Variants in SACS observed in about 807,000 individuals in gnomAD.
SACS encodes the protein sacsin.
Under a neutral mutation model 348.0 loss-of-function variants are expected in SACS, and 197 were observed. The observed-to-expected ratio is 0.57, with a 90% CI of 0.50 to 0.64. The LOEUF is 0.64. SACS is among the 30% of genes least tolerant of loss of function. The probability of loss-of-function intolerance (pLI) is 0.00; values close to 1 mark genes in which losing one functional copy is unlikely to be tolerated. For synonymous variants in SACS, 1,985 were observed against 1,910.6 expected, an observed-to-expected ratio of 1.04 and a Z score of -1.02; for missense variants, 4,999 against 5,360.8, an observed-to-expected ratio of 0.93 and a Z score of 2.11.
At chr13:23,378,055 A>G (rs908699790) in intron 2 of SACS, among the ~76,000 whole-genome samples, 4 of 152,214 alleles carry the variant, frequency 2.6e-5, no homozygotes, top group African/African-American at 4.8e-5. Flanking sequence ...AAATGAGGTC[A>G]TGTTTCTGAG....
intron 9 of SACS, among the ~76,000 whole-genome samples, chr13:23,345,576 T>C (rs1008925168): frequency 4.6e-5 from 7 of 152,246 alleles, no homozygotes; most frequent in African/African-American, 1.7e-4. Flanking sequence ...TGCACTCTAC[T>C]TATATCAAGA....
intron 5 of SACS, among the ~76,000 whole-genome samples, chr13:23,365,910 A>C (rs1003571695): frequency 2.0e-5 from 3 of 152,176 alleles, no homozygotes; most frequent in Non-Finnish European, 2.9e-5. Context: ...TGGAAGGGTG[A>C]CCAGCTCCCC....
At chr13:23,373,412 G>C (rs916238044) in intron 3 of SACS, 1 of 152,720 alleles carries the variant, frequency 6.5e-6, no homozygotes, top group Admixed American at 6.5e-5. Flanking sequence ...AGCGGTTGTA[G>C]ACTTCACTAG....
intron 4 of SACS, among the ~76,000 whole-genome samples, chr13:23,369,478 T>G (rs2137806794): frequency 6.6e-6 from 1 of 152,352 alleles, no homozygotes; most frequent in African/African-American, 2.4e-5. Context: ...TTGCGTCATT[T>G]TGGTACAACC....
chr13:23,431,944 C>A (rs1874448888), intron 1 of SACS, among the ~76,000 whole-genome samples: 1 of 152,228 alleles, frequency 6.6e-6, no homozygotes, highest in South Asian at 2.1e-4. Flanking sequence ...GAGAAAACGA[C>A]AAAACTCTTA....
intron 6 of SACS, among the ~76,000 whole-genome samples, chr13:23,359,739 A>G (rs561750474): frequency 3.3e-5 from 5 of 152,290 alleles, no homozygotes; most frequent in Admixed American, 1.3e-4. Flanking sequence ...TATACACAAT[A>G]AAGTATGATG....
At chr13:23,349,616 C>T (rs1290222602) in intron 9 of SACS, among the ~76,000 whole-genome samples, 1 of 152,204 alleles carries the variant, frequency 6.6e-6, no homozygotes, top group South Asian at 2.1e-4. Context: ...AACTTGGATA[C>T]AACTCAACTG....
intron 9 of SACS, among the ~76,000 whole-genome samples, chr13:23,343,462 G>A (rs981882666): frequency 1.3e-5 from 2 of 152,160 alleles, no homozygotes; most frequent in African/African-American, 2.4e-5. Context: ...CAAAGCGGGT[G>A]GAACACGAGG....
chr13:23,422,451 C>T (rs1408553187), intron 1 of SACS, among the ~76,000 whole-genome samples: 1 of 152,162 alleles, frequency 6.6e-6, no homozygotes, highest in Non-Finnish European at 1.5e-5. Flanking sequence ...TAACTAAAAA[C>T]AATCTGTGCA....
chr13:23,335,459 A>G lies in SACS; in HGVS notation c.8417T>C (p.Met2806Thr), dbSNP rs201813671. The G allele has an allele frequency of 1.4e-5, 22 of 1,613,792 alleles. No homozygotes were observed. The Admixed American group carries it at 2.2e-4, about 16-fold the overall frequency. ...ATTTCCTTCAGAGTCCTCAGTATCC[A>G]TAGTATAGGTTATTTGTTGAACTGG... is the stretch of plus-strand genomic sequence containing the variant. The part of the protein sequence containing the change: ...DIPVQQITYT[M>T]DTEDSEGNLT... Residue 2806 changes from methionine to threonine, a missense_variant, in exon 10 of 10, where the codon ATG (methionine) becomes ACG (threonine). By Grantham distance (81) the Met-to-Thr change is moderately conservative. Around this residue, in one of 6 missense-constraint regions of SACS, gnomAD observed 3,156 missense variants for 3,380.1 expected, o/e 0.93. Coordinates refer to ENST00000382292, the MANE Select transcript of SACS (RefSeq NM_014363.6). This position sits in a 1 kb window ranked among gnomAD's most constrained non-coding sequence, Gnocchi z 4.7.
Position 23,336,268 on chromosome 13 carries a change from A to G in SACS, c.7608T>C (p.Leu2536=). ...EKLTSRIKSI[L]NAYPSEKEML... is the part of the protein sequence containing the mutation. Reference sequence around the variant, plus strand: ...TTTCCTTTTCAGAAGGATATGCATTAAGGATGCTCTTAATTCTGCTGGTCA... The same window carrying G: ...TTTCCTTTTCAGAAGGATATGCATTGAGGATGCTCTTAATTCTGCTGGTCA... Residue 2536 remains leucine (L), a synonymous_variant, in exon 10 of 10, where the codon CTT becomes CTC. Coordinates refer to ENST00000382292, the MANE Select transcript of SACS (RefSeq NM_014363.6). The G allele has an allele frequency of 1.2e-6, 2 of 1,614,074 alleles. No individual in the cohort carries two copies. The highest frequency in any genetic ancestry group is 1.7e-6 in the Non-Finnish European group (2 of 1,179,958).
At position 23,356,008 on chromosome 13, in the gene SACS, C is replaced by T. The variant is rs1555254489; in HGVS notation, c.605-1G>A. On this transcript the variant is annotated splice_acceptor_variant, in intron 7 of 9. Transcript: ENST00000382292. LOFTEE classifies it high-confidence loss of function. ...TCACCACTAAAGATACAAGGAACAT[C>T]TGTAAAGAAAAATTTAAGTCATGAT... 6.2e-7 allele frequency: 1 copy of T among 1,611,540 alleles called. No homozygotes were observed. The highest frequency in any genetic ancestry group is 8.5e-7 in the Non-Finnish European group (1 of 1,178,714).
chr13:23,406,693 A>G (rs1873233427), intron 2 of SACS, among the ~76,000 whole-genome samples: 1 of 152,188 alleles, frequency 6.6e-6, no homozygotes. Flanking sequence ...GGTAAATTGT[A>G]TCCTATTAAA....
chr13:23,338,878 T>C lies in SACS; in HGVS notation c.4998A>G (p.Thr1666=), dbSNP rs184994682. ...VSEVSSTCYN[T]ADIYSLVDEF... Reference sequence around the variant, plus strand: ...CATCCACAAGAGAATAAATATCTGCTGTATTGTAGCACGTACTACTAACTT... The same window carrying C: ...CATCCACAAGAGAATAAATATCTGCCGTATTGTAGCACGTACTACTAACTT... Residue 1666 remains threonine, a synonymous_variant, in exon 10 of 10, where the codon ACA becomes ACG. Transcript: ENST00000382292. 4.9e-5 allele frequency: 79 copies of C among 1,613,170 alleles called. No individual in the cohort carries two copies. The East Asian group carries it at 1.1e-3, about 22-fold the overall frequency.
chr13:23,370,877 C>T (rs776534370), intron 4 of SACS, among the ~76,000 whole-genome samples: 19 of 152,084 alleles, frequency 1.2e-4, no homozygotes, highest in Admixed American at 9.2e-4. Flanking sequence ...GCACGAGAAT[C>T]ACTTGAACAG....
At position 23,406,235 on chromosome 13, in the gene SACS, T is replaced by C. The variant is rs147089310; in HGVS notation, c.20+4985A>G. Among the ~76,000 whole-genome samples, 1,319 of 152,230 alleles carry C rather than the reference T, an allele frequency of 8.7e-3. 17 individuals are homozygous for C. The highest frequency in any genetic ancestry group is 0.03 in the African/African-American group (1,252 of 41,504). On this transcript the variant is annotated intron_variant, in intron 2 of 9. Transcript: ENST00000382292. ...TGAGTTCCTGTCCTTTGCAGGGACA[T>C]GGATGAAGCTGGAAACCATCATTCT...
At position 23,341,208 on chromosome 13, in the gene SACS, T is replaced by C. The variant is rs765088683; in HGVS notation, c.2668A>G (p.Asn890Asp). Reference protein sequence around the residue: ...MEKMPLQKLCNQITSLLPTHK... With the variant: ...MEKMPLQKLCDQITSLLPTHK... ...GTTGGAAGTAGCGAAGTTATTTGAT[T>C]ACACAATTTCTGCAATGGCATCTTC... The change falls in exon 10 of 10, where the codon AAT (asparagine) becomes GAT (aspartate). Residue 890 changes from asparagine (N) to aspartate (D), a missense_variant. Asn to Asp is a conservative substitution (Grantham distance 23). Coordinates refer to ENST00000382292, the MANE Select transcript of SACS (RefSeq NM_014363.6). 4 of 1,613,806 alleles carry C rather than the reference T, an allele frequency of 2.5e-6. No individual in the cohort carries two copies. The highest frequency in any genetic ancestry group is 1.1e-5 in the South Asian group (1 of 91,092).
chr13:23,385,874 C>T (rs1872273612), intron 2 of SACS, among the ~76,000 whole-genome samples: 2 of 152,218 alleles, frequency 1.3e-5, no homozygotes, highest in African/African-American at 4.8e-5. Flanking sequence ...CGATATTCAT[C>T]GCCTTGTACT....
Position 23,333,605 on chromosome 13 carries a change from C to G in SACS, c.10271G>C (p.Gly3424Ala), listed in dbSNP as rs1883631875. ...KSISGRYVSI[G>A]KFGTCYVLTK... ...AAGTACGTAGCATGTTCCAAATTTT[C>G]CAATGCTTACATAGCGGCCACTGAT... The change falls in exon 10 of 10, where the codon GGA becomes GCA. Residue 3424 changes from glycine to alanine, a missense_variant. By Grantham distance (60) the Gly-to-Ala change is moderately conservative. Transcript: ENST00000382292. The G allele has an allele frequency of 6.2e-7, 1 of 1,613,612 alleles. No individual in the cohort carries two copies. Among genetic ancestry groups the G allele is most frequent in the South Asian group, 1.1e-5 (1 of 91,080 alleles).
Sources: allele counts gnomAD v4.1 joint callset (sites outside exome capture counted in the v4.1 genomes callset), GRCh38; gene constraint gnomAD v4.1.1; regional missense constraint gnomAD v4.1.1; non-coding constraint Gnocchi (gnomAD v3.1); transcripts MANE v1.5; gene names NCBI Gene and HGNC (gene_info 2026-07-23, HGNC 2026-07-21).